Variants in DTNA observed in about 807,000 individuals in gnomAD.
DTNA encodes the protein dystrobrevin alpha.
DTNA carries 43 observed loss-of-function variants against 100.7 expected under a neutral mutation model. The observed-to-expected ratio is 0.43, with a 90% confidence interval of 0.33 to 0.55. The LOEUF is 0.55. Ranked by LOEUF, DTNA falls within the 20% of genes least tolerant of loss-of-function variation. The pLI, the probability that DTNA is intolerant of heterozygous loss-of-function variation, is 0.04. For synonymous variants in DTNA, 349 were observed against 347.9 expected, an observed-to-expected ratio of 1.00 and a Z score of -0.04; for missense variants, 798 against 953.9, an observed-to-expected ratio of 0.84 and a Z score of 2.15.
At chr18:34,526,850 G>A (rs181351195) in intron 1 of DTNA, among the ~76,000 whole-genome samples, 10 of 152,010 alleles carry the variant, frequency 6.6e-5, no homozygotes, top group African/African-American at 2.2e-4. Context: ...TTCAGTTTAC[G>A]TTTTCATTTA....
chr18:34,855,409 G>C (rs2096540487), intron 15 of DTNA, among the ~76,000 whole-genome samples: 1 of 152,144 alleles, frequency 6.6e-6, no homozygotes, highest in Non-Finnish European at 1.5e-5. Context: ...GATGGTTCCA[G>C]AAATAAAAAT....
chr18:34,862,258 C>T lies in DTNA; in HGVS notation c.1647-1708C>T, dbSNP rs117440157. ...GAAGACAAAGACTAAAATAAGATAC[C>T]ATTAAAGCATATAAAATTATGATGT... On this transcript the variant is annotated intron_variant, in intron 16 of 22. Transcript: ENST00000444659. Among the ~76,000 whole-genome samples the T allele has an allele frequency of 2.1e-4, 32 of 151,662 alleles. No homozygotes were observed. In the East Asian group the frequency reaches 6.2e-3, roughly 29 times the overall value.
chr18:34,864,015 C>T lies in DTNA; in HGVS notation c.1696C>T (p.Arg566Trp), dbSNP rs1173408567. Residue 566 changes from arginine to tryptophan, a missense_variant, in exon 17 of 23, where the codon CGG becomes TGG. By Grantham distance (101) the Arg-to-Trp change is moderately radical. Transcript: ENST00000444659. Reference protein sequence around the residue: ...EQRMSALQESRRELMVQLEGL... With the variant: ...EQRMSALQESWRELMVQLEGL... ...GAGAATGTCTGCTCTCCAGGAGAGC[C>T]GGAGAGAGCTAATGGTCCAGTTGGA... The T allele has an allele frequency of 3.1e-6, 5 of 1,612,136 alleles. No homozygotes were observed. Among genetic ancestry groups the T allele is most frequent in the Non-Finnish European group, 4.2e-6 (5 of 1,179,354 alleles).
At chr18:34,818,571 G>A in intron 8 of DTNA, 1 of 1,377,532 alleles carries the variant, frequency 7.3e-7, no homozygotes, top group East Asian at 3.0e-5. Flanking sequence ...TTACTTCTTG[G>A]AATATAGATA....
At chr18:34,686,778 T>G (rs755648255) in intron 1 of DTNA, among the ~76,000 whole-genome samples, 1 of 151,976 alleles carries the variant, frequency 6.6e-6, no homozygotes, top group Non-Finnish European at 1.5e-5. Context: ...TGGGTTTCTG[T>G]TGGTGGTGGT....
chr18:34,508,589 C>G (rs1050719081), intron 1 of DTNA, among the ~76,000 whole-genome samples: 1 of 152,126 alleles, frequency 6.6e-6, no homozygotes, highest in Non-Finnish European at 1.5e-5. Flanking sequence ...TATGATGGTG[C>G]TGAAATATAG....
chr18:34,747,410 G>A (rs1233364854), intron 1 of DTNA, among the ~76,000 whole-genome samples: 3 of 151,882 alleles, frequency 2.0e-5, no homozygotes, highest in African/African-American at 7.3e-5. Flanking sequence ...AAGTTTTTTA[G>A]TGATGATTTC....
At chr18:34,815,728 A>G in intron 6 of DTNA, 181 bp from the exon 7 acceptor site, 1 of 602,372 alleles carries the variant, frequency 1.7e-6, no homozygotes. Flanking sequence ...TAGGTATAAA[A>G]AGCAAACGAT....
intron 1 of DTNA, among the ~76,000 whole-genome samples, chr18:34,704,904 A>G (rs1021522946): frequency 5.9e-5 from 9 of 152,132 alleles, no homozygotes; most frequent in Non-Finnish European, 1.5e-5. Context: ...CCTTTAGCTG[A>G]GAGAGAATAT....
At position 34,812,138 on chromosome 18, in the gene DTNA, A is replaced by C. The variant is rs746982103; in HGVS notation, c.603+25A>C. 119 of 1,613,778 alleles carry C rather than the reference A, an allele frequency of 7.4e-5. 1 individual carries two copies. The East Asian group carries it at 2.6e-3, about 36-fold the overall frequency. ...GGTAGGAGAAAAATATGTTTAAGGA[A>C]GTATCTCTTTCAAACAGTGGTTGCT... is the stretch of plus-strand genomic sequence containing the variant. On this transcript the variant is annotated intron_variant, in intron 6 of 22. Transcript: ENST00000444659.
chr18:34,768,440 C>T (rs189263345), intron 3 of DTNA, among the ~76,000 whole-genome samples: 196 of 142,074 alleles, frequency 1.4e-3, no homozygotes, highest in Middle Eastern at 0.01. Flanking sequence ...ACTGTGTTGT[C>T]CCCACTCAAC....
At chr18:34,581,033 C>T (rs919312587) in intron 1 of DTNA, among the ~76,000 whole-genome samples, 2 of 152,086 alleles carry the variant, frequency 1.3e-5, no homozygotes, top group African/African-American at 4.8e-5. Flanking sequence ...ATCACGAGGT[C>T]AGGAAATTGA....
chr18:34,860,814 G>A (rs962244946), intron 16 of DTNA, among the ~76,000 whole-genome samples: 2 of 152,110 alleles, frequency 1.3e-5, no homozygotes, highest in South Asian at 2.1e-4. Flanking sequence ...CTAATCTGAC[G>A]CTTTGCTGCA....
At chr18:34,537,205 A>G (rs1271243785) in intron 1 of DTNA, among the ~76,000 whole-genome samples, 1 of 151,904 alleles carries the variant, frequency 6.6e-6, no homozygotes, top group Non-Finnish European at 1.5e-5. Flanking sequence ...GCTTAGATAA[A>G]TTTTTACATC....
chr18:34,809,027 T>C (rs1439372646), intron 5 of DTNA, among the ~76,000 whole-genome samples: 6 of 152,322 alleles, frequency 3.9e-5, no homozygotes, highest in African/African-American at 1.2e-4. Context: ...TTTAGCAGTT[T>C]CCAGGTAACT....
At chr18:34,650,553 A>G (rs1289485315) in intron 1 of DTNA, among the ~76,000 whole-genome samples, 2 of 152,162 alleles carry the variant, frequency 1.3e-5, no homozygotes, top group African/African-American at 4.8e-5. Flanking sequence ...TGAAGCCAGT[A>G]TCTCTACCTC....
chr18:34,722,538 A>G (rs2085562423), intron 1 of DTNA, among the ~76,000 whole-genome samples: 1 of 152,136 alleles, frequency 6.6e-6, no homozygotes, highest in African/African-American at 2.4e-5. Flanking sequence ...CTTTATTGTG[A>G]TATAATTGAT....
intron 1 of DTNA, among the ~76,000 whole-genome samples, chr18:34,727,043 G>C: frequency 6.6e-6 from 1 of 152,218 alleles, no homozygotes; most frequent in Middle Eastern, 3.2e-3. Flanking sequence ...TCAACACAAC[G>C]TAGAAGCCCC....
chr18:34,515,859 C>A (rs182077996), intron 1 of DTNA, among the ~76,000 whole-genome samples: 1 of 152,248 alleles, frequency 6.6e-6, no homozygotes, highest in East Asian at 1.9e-4. Context: ...GTCTTAGGAT[C>A]ATGACGTGCT....
Sources: gnomAD v4.1 joint callset for allele counts (sites outside exome capture counted in the v4.1 genomes callset) on GRCh38, gnomAD v4.1.1 for gene constraint, MANE v1.5 for transcripts, NCBI Gene and HGNC (gene_info 2026-07-23, HGNC 2026-07-21) for gene names.